Variants in COL4A4 observed in about 807,000 individuals in gnomAD.
COL4A4 encodes the protein collagen alpha-4(IV) chain.
Under a neutral mutation model 192.9 loss-of-function variants are expected in COL4A4, and 105 were observed. That is an observed-to-expected ratio of 0.54 (90% confidence interval 0.46 to 0.64). The LOEUF is 0.64. COL4A4 is among the 30% of genes least tolerant of loss of function. The probability of loss-of-function intolerance (pLI) is 0.00; values close to 1 mark genes in which losing one functional copy is unlikely to be tolerated. For synonymous variants in COL4A4, 762 were observed against 769.9 expected (o/e 0.99, Z 0.17); for missense variants, 1,967 against 2,169.3 (o/e 0.91, Z 1.85).
chr2:226,985,082 C>G, the COL4A4 span, among the ~76,000 whole-genome samples: 1 of 152,134 alleles, frequency 6.6e-6, no homozygotes, highest in Admixed American at 6.6e-5. Flanking sequence ...GATTGATTGT[C>G]TTATTACCAT....
chr2:227,062,473 G>T (rs1247687342), intron 26 of COL4A4, 57 bp downstream of exon 26: 14 of 951,930 alleles, frequency 1.5e-5, no homozygotes, highest in East Asian at 2.6e-5. Flanking sequence ...TGTCTGGCTG[G>T]TTTTTTTTTT....
At chr2:227,062,164 G>A (rs1977253935) in intron 26 of COL4A4, among the ~76,000 whole-genome samples, 2 of 151,598 alleles carry the variant, frequency 1.3e-5, no homozygotes. Flanking sequence ...TTGAACCTGG[G>A]AAGCAGAGGT....
At chr2:227,131,475 C>T (rs959448748) in intron 4 of COL4A4, among the ~76,000 whole-genome samples, 11 of 152,060 alleles carry the variant, frequency 7.2e-5, no homozygotes, top group Admixed American at 2.6e-4. Context: ...TTTTAAGCTG[C>T]ATTGCATGCT....
chr2:227,052,502 T>G, intron 31 of COL4A4, 90 bp from the exon 32 acceptor site: 3 of 793,670 alleles, frequency 3.8e-6, no homozygotes, highest in Non-Finnish European at 6.7e-6. Flanking sequence ...AAATCGCAAA[T>G]TCCCACTTAA....
At chr2:227,091,914 GAAAGAAAGAAAGA>G (rs767590008) in intron 20 of COL4A4, among the ~76,000 whole-genome samples, 20 of 51,356 alleles carry the variant, frequency 3.9e-4, no homozygotes, top group Non-Finnish European at 5.7e-4. Context: ...AAGAAAGAAA[GAAAGAAAGAAAGA>G]AAAGAAAAGA....
downstream of COL4A4, among the ~76,000 whole-genome samples, chr2:227,002,258 A>G (rs1961180753): frequency 6.6e-6 from 1 of 152,144 alleles, no homozygotes. Context: ...ATAAAGAGAA[A>G]TGTAATCAAT....
chr2:227,156,188 C>T (rs977430728), intron 1 of COL4A4, among the ~76,000 whole-genome samples: 1 of 151,968 alleles, frequency 6.6e-6, no homozygotes, highest in Admixed American at 6.6e-5. Flanking sequence ...CACTTGAGCC[C>T]AGGAGTTTGA....
chr2:226,969,548 T>G, the COL4A4 span, among the ~76,000 whole-genome samples: 2 of 152,094 alleles, frequency 1.3e-5, no homozygotes, highest in Admixed American at 1.3e-4. Context: ...TCCAAGTTTC[T>G]TAGGTAATGG....
intron 1 of COL4A4, among the ~76,000 whole-genome samples, chr2:227,161,149 G>C (rs570078834): frequency 2.3e-4 from 35 of 152,328 alleles, no homozygotes; most frequent in Non-Finnish European, 1.5e-5. Context: ...AACTTCATTT[G>C]TGCTTTCATT....
At chr2:227,044,897 C>T (rs1471512460) in intron 35 of COL4A4, among the ~76,000 whole-genome samples, 1 of 152,156 alleles carries the variant, frequency 6.6e-6, no homozygotes, top group African/African-American at 2.4e-5. Flanking sequence ...AAGCTGAGGC[C>T]ATGGCATATG....
intron 22 of COL4A4, among the ~76,000 whole-genome samples, chr2:227,084,387 C>G (rs983503042): frequency 6.6e-6 from 1 of 152,006 alleles, no homozygotes; most frequent in African/African-American, 2.4e-5. Flanking sequence ...AAGAATGAAC[C>G]CATCCCAGGA....
intron 2 of COL4A4, among the ~76,000 whole-genome samples, chr2:227,145,645 T>C (rs892547661): frequency 2.0e-5 from 3 of 152,174 alleles, no homozygotes; most frequent in Non-Finnish European, 2.9e-5. Flanking sequence ...TCCTTGTTCT[T>C]TTGTTCTCTG....
At position 227,114,773 on chromosome 2, in the gene COL4A4, A is replaced by G. The variant is rs567277183; in HGVS notation, c.490-77T>C. 77 of 1,149,540 alleles carry G rather than the reference A, an allele frequency of 6.7e-5. 1 individual carries two copies. The highest frequency in any genetic ancestry group is 5.4e-4 in the South Asian group (43 of 78,938). 71.2% of individuals were successfully genotyped at this position (1,149,540 alleles called of 1,614,324 possible). A position where few individuals can be genotyped will look rare whatever the true frequency, so the allele number is the denominator to read the frequency against. On this transcript the variant is annotated intron_variant, in intron 7 of 47. Transcript: ENST00000396625. The stretch of plus-strand genomic sequence containing the variant: ...CAGTATTTTCTTTTCTATATAAAAT[A>G]TAACTCATCAGTTAAAATTACCATT...
intron 4 of COL4A4, among the ~76,000 whole-genome samples, chr2:227,133,128 G>T (rs1217800299): frequency 6.6e-6 from 1 of 152,128 alleles, no homozygotes; most frequent in East Asian, 1.9e-4. Flanking sequence ...CCTGGCCTGG[G>T]TCATGCTGGG....
At chr2:226,975,348 A>G in the COL4A4 span, among the ~76,000 whole-genome samples, 8 of 152,188 alleles carry the variant, frequency 5.3e-5, no homozygotes, top group Admixed American at 5.2e-4. Context: ...CCTTAAACTT[A>G]TACAATTTTA....
Position 227,005,693 on chromosome 2 carries a change from A to G in COL4A4, c.*1632T>C, listed in dbSNP as rs1961943444. 6.6e-6 allele frequency: 1 copy of G among 152,240 alleles called. No homozygotes were observed. The highest frequency in any genetic ancestry group is 6.5e-5 in the Admixed American group (1 of 15,276). 9.4% of individuals were successfully genotyped at this position (152,240 alleles called of 1,614,324 possible). The stretch of plus-strand genomic sequence containing the variant: ...AGCTCATTACAAATCAAGGTTTGGC[A>G]AGGAAAACATTTCTTATAAACAAAA... On this transcript the variant is annotated 3_prime_UTR_variant, in exon 48 of 48. Coordinates refer to ENST00000396625, the MANE Select transcript of COL4A4 (RefSeq NM_000092.5).
At chr2:227,045,848 A>T (rs1367404275) in intron 35 of COL4A4, among the ~76,000 whole-genome samples, 2 of 65,892 alleles carry the variant, frequency 3.0e-5, no homozygotes, top group East Asian at 3.6e-4. Flanking sequence ...ATATATATAT[A>T]CACATATATA....
Position 227,054,703 on chromosome 2 carries a change from G to A in COL4A4, c.2751C>T (p.Pro917=), listed in dbSNP as rs544472944. ...PRGLPGFPGF[P]GERGKPGAEG... is the part of the protein sequence containing the mutation. ...CTGCACCAGGCTTTCCTCTTTCTCC[G>A]GGAAAACCTGGGAAACCAGGCAGCC... The change falls in exon 31 of 48, where the codon CCC becomes CCT. Residue 917 remains proline (P), a synonymous_variant. Transcript: ENST00000396625. The A allele has an allele frequency of 6.1e-5, 98 of 1,614,126 alleles. No homozygotes were observed. Among genetic ancestry groups the A allele is most frequent in the African/African-American group, 2.5e-4 (19 of 75,046 alleles).
At position 227,053,548 on chromosome 2, in the gene COL4A4, T is replaced by TC. The variant is rs200911360; in HGVS notation, c.2860+1045_2860+1046insG. Among the ~76,000 whole-genome samples the TC allele has an allele frequency of 4.8e-3, 681 of 141,102 alleles. 3 individuals carry two copies. Among genetic ancestry groups the TC allele is most frequent in the African/African-American group, 0.017 (646 of 37,990 alleles). The allele number at this position is 141,102 out of a possible 152,430, so 92.6% of individuals were successfully genotyped here. A position where few individuals can be genotyped will look rare whatever the true frequency, so the allele number is the denominator to read the frequency against. ...GAAAACATTTTTTTCTTTTTCTTTTTTTTTTTTTTTTTTTTTGGAGACAGA... is the reference window on the plus strand; with the variant it reads ...GAAAACATTTTTTTCTTTTTCTTTTTCTTTTTTTTTTTTTTTTGGAGACAGA... On this transcript the variant is annotated intron_variant, in intron 31 of 47. Coordinates refer to ENST00000396625, the MANE Select transcript of COL4A4 (RefSeq NM_000092.5).
Sources: gnomAD v4.1 joint callset for allele counts (sites outside exome capture counted in the v4.1 genomes callset) on GRCh38, gnomAD v4.1.1 for gene constraint, MANE v1.5 for transcripts, NCBI Gene and HGNC (gene_info 2026-07-23, HGNC 2026-07-21) for gene names.